Variants in ZC3H12B observed in about 807,000 individuals in gnomAD.
ZC3H12B encodes probable ribonuclease ZC3H12B.
ZC3H12B carries 7 observed loss-of-function variants against 43.9 expected under a neutral mutation model. The ratio of observed to expected loss-of-function variants is 0.16; its 90% CI spans 0.09 to 0.30. ZC3H12B has a LOEUF of 0.30. Ranked by LOEUF, ZC3H12B falls within the 10% of genes least tolerant of loss-of-function variation. ZC3H12B has a pLI of 1.00. For missense variants in ZC3H12B, 475 were observed against 670.2 expected, an observed-to-expected ratio of 0.71 and a Z score of 3.22; for synonymous variants, 222 against 241.7, an observed-to-expected ratio of 0.92 and a Z score of 0.76.
At chrX:65,348,393 C>G in the ZC3H12B span, among the ~76,000 whole-genome samples, 87 of 111,553 alleles carry the variant, frequency 7.8e-4, no homozygotes, top group Middle Eastern at 0.014. Context: ...CAGCCAGTAC[C>G]AGCCACTCCA....
the ZC3H12B span, among the ~76,000 whole-genome samples, chrX:65,276,816 G>A: frequency 7.2e-5 from 8 of 111,461 alleles, no homozygotes; most frequent in Non-Finnish European, 1.5e-4. Flanking sequence ...ATAAATAATA[G>A]GAGAGTGAGT....
the ZC3H12B span, among the ~76,000 whole-genome samples, chrX:65,158,000 C>A: frequency 2.0e-5 from 2 of 99,122 alleles, no homozygotes; most frequent in African/African-American, 3.6e-5. Context: ...TCAATTCCCA[C>A]CTATGAGTGA....
At chrX:65,273,222 A>C in the ZC3H12B span, among the ~76,000 whole-genome samples, 1 of 112,269 alleles carries the variant, frequency 8.9e-6, no homozygotes, top group African/African-American at 3.2e-5. Flanking sequence ...TAGTTCCAAA[A>C]TTTTAAAAGA....
chrX:65,036,326 C>A, the ZC3H12B span, among the ~76,000 whole-genome samples: 6 of 111,914 alleles, frequency 5.4e-5, no homozygotes, highest in African/African-American at 1.9e-4. Flanking sequence ...AAGATGGGTT[C>A]TTTTCCCTCC....
chrX:65,388,054 C>T (rs1347463423), intron 2 of ZC3H12B, among the ~76,000 whole-genome samples: 2 of 112,045 alleles, frequency 1.8e-5, no homozygotes, highest in Non-Finnish European at 3.8e-5. Flanking sequence ...CCTGACCTTT[C>T]TCTCTGGCTG....
the ZC3H12B span, among the ~76,000 whole-genome samples, chrX:65,356,676 T>G: frequency 8.9e-6 from 1 of 111,957 alleles, no homozygotes; most frequent in South Asian, 3.7e-4. Context: ...TTAAAAGCTA[T>G]AAAATGAAAG....
chrX:65,226,224 C>A, the ZC3H12B span, among the ~76,000 whole-genome samples: 154 of 111,851 alleles, frequency 1.4e-3, 3 homozygotes, highest in East Asian at 0.036. Flanking sequence ...CAATATTCAA[C>A]ATTCTTAAAA....
chrX:65,212,036 T>A, the ZC3H12B span, among the ~76,000 whole-genome samples: 1 of 65,871 alleles, frequency 1.5e-5, no homozygotes, highest in Non-Finnish European at 2.5e-5. Context: ...ATGTTATGTA[T>A]AATGTATAAT....
chrX:65,507,678 G>A (rs900015791), exon 5 of ZC3H12B: 1 of 111,826 alleles, frequency 8.9e-6, no homozygotes, highest in Non-Finnish European at 1.9e-5. Flanking sequence ...GTTAACCAGA[G>A]GTGAGTGAAA....
the ZC3H12B span, among the ~76,000 whole-genome samples, chrX:65,101,022 G>T: frequency 1.8e-5 from 2 of 111,688 alleles, no homozygotes; most frequent in South Asian, 7.5e-4. Flanking sequence ...AAATTCAAAA[G>T]AATGGAAATT....
At chrX:65,450,898 T>G (rs1338919782) in intron 3 of ZC3H12B, among the ~76,000 whole-genome samples, 2 of 93,630 alleles carry the variant, frequency 2.1e-5, no homozygotes, top group Non-Finnish European at 2.1e-5. Flanking sequence ...TATATGTATA[T>G]ATATACATAT....
chrX:65,499,657 C>G (rs1216158215), intron 3 of ZC3H12B, among the ~76,000 whole-genome samples: 1 of 111,082 alleles, frequency 9.0e-6, no homozygotes, highest in Non-Finnish European at 1.9e-5. Flanking sequence ...ACGGCTCAAA[C>G]ATGTAGTTCA....
the ZC3H12B span, among the ~76,000 whole-genome samples, chrX:65,287,446 T>A: frequency 9.1e-6 from 1 of 110,361 alleles, no homozygotes; most frequent in Non-Finnish European, 1.9e-5. Context: ...GAGAAAGAAA[T>A]GAAGATAGAA....
chrX:65,050,522 T>C, the ZC3H12B span, among the ~76,000 whole-genome samples: 1 of 111,426 alleles, frequency 9.0e-6, no homozygotes, highest in Non-Finnish European at 1.9e-5. Flanking sequence ...TGAAGTATGA[T>C]GTTAGGTGTG....
chrX:65,198,124 C>T, the ZC3H12B span, among the ~76,000 whole-genome samples: 5 of 112,024 alleles, frequency 4.5e-5, no homozygotes, highest in Admixed American at 3.8e-4. Flanking sequence ...TCAATTTTTC[C>T]ACCAAAATTG....
At chrX:65,102,439 C>T in the ZC3H12B span, among the ~76,000 whole-genome samples, 7 of 112,017 alleles carry the variant, frequency 6.2e-5, no homozygotes, top group African/African-American at 2.3e-4. Flanking sequence ...GAGAGGAAGT[C>T]AAATTGTCTC....
At chrX:65,274,390 A>G in the ZC3H12B span, among the ~76,000 whole-genome samples, 1 of 110,394 alleles carries the variant, frequency 9.1e-6, no homozygotes, top group Non-Finnish European at 1.9e-5. Context: ...GCCAGTAGCT[A>G]CTGCATATCT....
At chrX:65,362,334 T>G (rs1466233583), upstream of ZC3H12B, among the ~76,000 whole-genome samples, 1 of 111,706 alleles carries the variant, frequency 9.0e-6, no homozygotes, top group East Asian at 2.8e-4. Context: ...CTTACCTCCC[T>G]AACTGTTGTG....
At chrX:65,442,177 TA>T (rs1244262871) in intron 3 of ZC3H12B, among the ~76,000 whole-genome samples, 1 of 109,049 alleles carries the variant, frequency 9.2e-6, no homozygotes, top group African/African-American at 3.3e-5. Flanking sequence ...TTATACAGAT[TA>T]CCTCCGATAC....
Sources: allele counts gnomAD v4.1 joint callset (sites outside exome capture counted in the v4.1 genomes callset), GRCh38; gene constraint gnomAD v4.1.1; transcripts MANE v1.5; gene names NCBI Gene and HGNC (gene_info 2026-07-23, HGNC 2026-07-21).